FHOD3: variants seen among roughly 807,000 people sequenced by gnomAD.
FHOD3 encodes FH1/FH2 domain-containing protein 3.
FHOD3 carries 90 observed loss-of-function variants against 173.0 expected under a neutral mutation model. The observed-to-expected ratio is 0.52, with a 90% confidence interval of 0.44 to 0.62. FHOD3 has a LOEUF of 0.62. FHOD3 is among the 20% of genes least tolerant of loss of function. The probability of loss-of-function intolerance (pLI) is 0.00; values close to 1 mark genes in which losing one functional copy is unlikely to be tolerated. For missense variants in FHOD3, 1,945 were observed against 2,034.7 expected (o/e 0.96, Z 0.85); for synonymous variants, 828 against 823.0 (o/e 1.01, Z -0.10).
rs1382014749 is a variant in FHOD3 at position 36,369,039 on chromosome 18, C to T, written c.273-3641C>T. 2.6e-5 allele frequency among the ~76,000 whole-genome samples: 4 copies of T among 152,124 alleles called. No individual in the cohort carries two copies. In the South Asian group the frequency reaches 6.2e-4, roughly 24 times the overall value. On this transcript the variant is annotated intron_variant, in intron 2 of 28. Transcript: ENST00000590592. ...AAAAAGTACTTAGAACCTCATCTGG[C>T]GCATGATAAGCATTCCATAAATGTT... is the stretch of plus-strand genomic sequence containing the variant.
intron 10 of FHOD3, among the ~76,000 whole-genome samples, chr18:36,641,560 A>T (rs1434177604): frequency 6.6e-6 from 1 of 152,156 alleles, no homozygotes; most frequent in Non-Finnish European, 1.5e-5. Flanking sequence ...ACTTCCTGCT[A>T]CAGTGAGTTG....
At chr18:36,775,606 T>C (rs1264375307) in intron 28 of FHOD3, among the ~76,000 whole-genome samples, 1 of 152,208 alleles carries the variant, frequency 6.6e-6, no homozygotes, top group African/African-American at 2.4e-5. Flanking sequence ...GTGGCTGCCA[T>C]TGCCATTGTT....
At chr18:36,629,029 A>G (rs145114914) in intron 10 of FHOD3, among the ~76,000 whole-genome samples, 1 of 152,312 alleles carries the variant, frequency 6.6e-6, no homozygotes, top group Non-Finnish European at 1.5e-5. Context: ...TTAGTCACTA[A>G]TGTTAACAGT....
chr18:36,653,411 T>C lies in FHOD3; in HGVS notation c.1716T>C (p.Ser572=). The C allele has an allele frequency of 6.5e-7, 1 of 1,529,660 alleles. No individual in the cohort carries two copies. Among genetic ancestry groups the C allele is most frequent in the Non-Finnish European group, 8.8e-7 (1 of 1,141,716 alleles). The allele number at this position is 1,529,660 out of a possible 1,614,324, so 94.8% of individuals were successfully genotyped here. A position where few individuals can be genotyped will look rare whatever the true frequency, so the allele number is the denominator to read the frequency against. Residue 572 remains serine (S), a synonymous_variant, in exon 13 of 29, where the codon TCT becomes TCC. Coordinates refer to ENST00000590592, the MANE Select transcript of FHOD3 (RefSeq NM_001281740.3). ...SEPYHFRSFS[S]NRYSNFGNNS... ...CTTACCACTTCCGATCTTTCTCTTCTAATAGGTGGGTGTCTTTATTTTCTT... is the reference window on the plus strand; with the variant it reads ...CTTACCACTTCCGATCTTTCTCTTCCAATAGGTGGGTGTCTTTATTTTCTT...
intron 3 of FHOD3, among the ~76,000 whole-genome samples, chr18:36,448,645 A>G (rs927082687): frequency 6.6e-6 from 1 of 152,144 alleles, no homozygotes; most frequent in South Asian, 2.1e-4. Flanking sequence ...CCTGGGGCCC[A>G]GAATGGGGGA....
chr18:36,387,205 A>T (rs2048077156), intron 3 of FHOD3, among the ~76,000 whole-genome samples: 1 of 152,070 alleles, frequency 6.6e-6, no homozygotes, highest in Admixed American at 6.5e-5. Flanking sequence ...ATGGTGGGTT[A>T]GGGAGAAGCA....
chr18:36,581,637 A>C (rs114178022), intron 6 of FHOD3, among the ~76,000 whole-genome samples: 2,063 of 152,266 alleles, frequency 0.014, 50 homozygotes, highest in African/African-American at 0.047. Context: ...ATGTAGGCCT[A>C]TCTGGAGGAG....
At chr18:36,387,321 A>C (rs2048082217) in intron 3 of FHOD3, among the ~76,000 whole-genome samples, 1 of 152,148 alleles carries the variant, frequency 6.6e-6, no homozygotes, top group Admixed American at 6.5e-5. Flanking sequence ...TGCGGAAAGG[A>C]CTGATGAGCC....
At chr18:36,517,852 G>A (rs2056075517) in intron 5 of FHOD3, among the ~76,000 whole-genome samples, 1 of 152,152 alleles carries the variant, frequency 6.6e-6, no homozygotes, top group African/African-American at 2.4e-5. Flanking sequence ...TGGAAAAACT[G>A]TCCCAGAGTT....
chr18:36,382,349 T>G (rs944970061), intron 3 of FHOD3, among the ~76,000 whole-genome samples: 4 of 152,022 alleles, frequency 2.6e-5, no homozygotes, highest in Non-Finnish European at 5.9e-5. Context: ...TCTGGCTGCG[T>G]TTTTTCGAGG....
At chr18:36,468,976 C>G (rs1321687349) in intron 3 of FHOD3, among the ~76,000 whole-genome samples, 1 of 152,130 alleles carries the variant, frequency 6.6e-6, no homozygotes, top group East Asian at 1.9e-4. Flanking sequence ...GGACAGTTAA[C>G]AAGTAAACAA....
At chr18:36,437,675 T>TC (rs2050887453) in intron 3 of FHOD3, among the ~76,000 whole-genome samples, 4 of 126,048 alleles carry the variant, frequency 3.2e-5, no homozygotes, top group Admixed American at 8.2e-5. Context: ...CTTTTTTTTT[T>TC]TTTTTTTAAG....
chr18:36,633,458 A>G (rs16968087), intron 10 of FHOD3, among the ~76,000 whole-genome samples: 23,436 of 152,186 alleles, frequency 0.15, 1,969 homozygotes, highest in African/African-American at 0.21. Context: ...TTCTAACACC[A>G]GCATTTATGG....
chr18:36,307,698 C>A (rs775359209), intron 1 of FHOD3, among the ~76,000 whole-genome samples: 1 of 152,146 alleles, frequency 6.6e-6, no homozygotes, highest in Non-Finnish European at 1.5e-5. Flanking sequence ...GATGACTTTG[C>A]TGGAGAGAGG....
chr18:36,517,222 T>G (rs150861268), intron 5 of FHOD3, among the ~76,000 whole-genome samples: 2 of 152,342 alleles, frequency 1.3e-5, no homozygotes, highest in East Asian at 3.9e-4. Context: ...GTATTTAATT[T>G]AAGTGTACTG....
chr18:36,689,685 G>T (rs1004514669), intron 16 of FHOD3, among the ~76,000 whole-genome samples: 1 of 152,166 alleles, frequency 6.6e-6, no homozygotes, highest in African/African-American at 2.4e-5. Context: ...CAGGCTGGGG[G>T]TGTGTTGTGG....
chr18:36,482,408 G>T (rs1279315001), intron 3 of FHOD3, among the ~76,000 whole-genome samples: 1 of 152,092 alleles, frequency 6.6e-6, no homozygotes, highest in Non-Finnish European at 1.5e-5. Context: ...GAGGATCAGG[G>T]TTATATGAGG....
chr18:36,446,800 T>G (rs2051509827), intron 3 of FHOD3, among the ~76,000 whole-genome samples: 1 of 152,098 alleles, frequency 6.6e-6, no homozygotes, highest in Admixed American at 6.6e-5. Context: ...TGTACGCATC[T>G]CTCTCCAGTA....
chr18:36,310,687 CAAA>C (rs571273504), intron 1 of FHOD3, among the ~76,000 whole-genome samples: 1 of 72,662 alleles, frequency 1.4e-5, no homozygotes. Flanking sequence ...GACTCCATCT[CAAA>C]AAAAAAAAAA....
Sources: gnomAD v4.1 joint callset for allele counts (sites outside exome capture counted in the v4.1 genomes callset) on GRCh38, gnomAD v4.1.1 for gene constraint, MANE v1.5 for transcripts, NCBI Gene and HGNC (gene_info 2026-07-23, HGNC 2026-07-21) for gene names.